CFAP300: variants seen among roughly 807,000 people sequenced by gnomAD.
The protein encoded by CFAP300 is cilia- and flagella-associated protein 300.
In CFAP300, 32 loss-of-function variants were observed where a neutral mutation model predicts 33.0. That is an observed-to-expected ratio of 0.97 (90% confidence interval 0.73 to 1.30). The LOEUF (loss-of-function observed/expected upper bound fraction) is 1.30. Among genes scored for constraint, CFAP300 ranks in the 50% most tolerant of loss-of-function variants. CFAP300 has a pLI of 0.00. For missense variants in CFAP300, 356 were observed against 318.1 expected (o/e 1.12, Z -0.90); for synonymous variants, 102 against 106.8 (o/e 0.95, Z 0.28).
intron 6 of CFAP300, 62 bp from the exon 7 acceptor site, chr11:102,083,009 T>C (rs543507473): frequency 2.2e-6 from 2 of 916,722 alleles, no homozygotes; most frequent in East Asian, 1.1e-4. Context: ...AAAATAATAA[T>C]AATAAATATA....
At chr11:102,070,690 A>G (rs1942301293) in intron 4 of CFAP300, among the ~76,000 whole-genome samples, 1 of 151,980 alleles carries the variant, frequency 6.6e-6, no homozygotes, top group Non-Finnish European at 1.5e-5. Flanking sequence ...TTTGCTGTAA[A>G]CTTCTCTTTT....
chr11:102,082,107 C>A (rs944995419), intron 6 of CFAP300, among the ~76,000 whole-genome samples: 1 of 151,922 alleles, frequency 6.6e-6, no homozygotes, highest in Non-Finnish European at 1.5e-5. Flanking sequence ...GTCCCCACCC[C>A]GTGCAGTGGC....
intron 3 of CFAP300, among the ~76,000 whole-genome samples, chr11:102,061,947 A>G (rs766887629): frequency 3.3e-5 from 5 of 152,204 alleles, no homozygotes; most frequent in Non-Finnish European, 7.3e-5. Flanking sequence ...AAAAAATAGC[A>G]TGTGTTATGG....
chr11:102,057,404 A>G (rs1238384955), intron 2 of CFAP300, among the ~76,000 whole-genome samples: 3 of 151,238 alleles, frequency 2.0e-5, no homozygotes, highest in Non-Finnish European at 4.4e-5. Context: ...TCAAGCTGAA[A>G]AGGCAGAAGA....
intron 3 of CFAP300, among the ~76,000 whole-genome samples, chr11:102,060,925 A>G (rs1278066407): frequency 3.3e-5 from 5 of 152,208 alleles, no homozygotes; most frequent in Non-Finnish European, 7.3e-5. Context: ...CTGAGAGAAT[A>G]TATTTACCCA....
intron 5 of CFAP300, among the ~76,000 whole-genome samples, chr11:102,078,026 G>C (rs1021161046): frequency 7.2e-5 from 11 of 151,942 alleles, no homozygotes; most frequent in Admixed American, 6.6e-4. Flanking sequence ...GAATAGCTGG[G>C]ATCACAAGCA....
In CFAP300 at chr11:102,047,963, T is replaced by C; in HGVS notation, c.192+67T>C. On this transcript the variant is annotated intron_variant, in intron 2 of 6. Transcript: ENST00000434758. ...TTTTAAACTTCCCCCCAAGTTGGCA[T>C]AGATTCTTGTGAACACGCTATTCCT... 2.0e-6 allele frequency: 3 copies of C among 1,485,776 alleles called. No homozygotes were observed. The South Asian group carries it at 3.6e-5, about 18-fold the overall frequency. The allele number at this position is 1,485,776 out of a possible 1,614,324, so 92.0% of individuals were successfully genotyped here.
At chr11:102,056,768 A>C (rs1353129570) in intron 2 of CFAP300, among the ~76,000 whole-genome samples, 1 of 151,710 alleles carries the variant, frequency 6.6e-6, no homozygotes, top group Admixed American at 6.6e-5. Context: ...GAATTACAGG[A>C]GTGTGCCACC....
intron 6 of CFAP300, among the ~76,000 whole-genome samples, chr11:102,082,394 A>G (rs1228890034): frequency 6.6e-6 from 1 of 151,984 alleles, no homozygotes; most frequent in African/African-American, 2.4e-5. Flanking sequence ...AAAATTTAAA[A>G]AAAAAAAGAG....
chr11:102,073,136 G>C (rs186930953), intron 4 of CFAP300, among the ~76,000 whole-genome samples: 17 of 152,324 alleles, frequency 1.1e-4, no homozygotes, highest in African/African-American at 4.1e-4. Context: ...TGCCAGCAGT[G>C]TTAGTGGTGG....
intron 4 of CFAP300, among the ~76,000 whole-genome samples, chr11:102,075,366 C>T (rs551272030): frequency 2.6e-5 from 4 of 152,080 alleles, no homozygotes; most frequent in East Asian, 1.9e-4. Context: ...AGCAGGAAAG[C>T]GAGAGCTGGA....
At chr11:102,051,631 A>G (rs1396041226) in intron 2 of CFAP300, among the ~76,000 whole-genome samples, 1 of 152,226 alleles carries the variant, frequency 6.6e-6, no homozygotes, top group Non-Finnish European at 1.5e-5. Context: ...TCCAGTATGC[A>G]TGCTGGATGT....
At chr11:102,055,268 C>T (rs577047034) in intron 2 of CFAP300, among the ~76,000 whole-genome samples, 30 of 151,982 alleles carry the variant, frequency 2.0e-4, no homozygotes, top group Admixed American at 6.6e-4. Context: ...TGTGAGTCAC[C>T]GCACCCGGCC....
chr11:102,051,358 G>A (rs552083339), intron 2 of CFAP300, among the ~76,000 whole-genome samples: 16 of 152,246 alleles, frequency 1.1e-4, no homozygotes, highest in African/African-American at 2.6e-4. Flanking sequence ...TCAAGGAAGC[G>A]CCTTAATTTA....
At chr11:102,067,916 GA>G (rs913566656) in intron 4 of CFAP300, among the ~76,000 whole-genome samples, 1 of 151,960 alleles carries the variant, frequency 6.6e-6, no homozygotes, top group Non-Finnish European at 1.5e-5. Context: ...CTAAAAAACA[GA>G]AAAAAGAAAT....
intron 2 of CFAP300, among the ~76,000 whole-genome samples, chr11:102,054,283 T>C (rs998744639): frequency 6.6e-5 from 10 of 152,268 alleles, no homozygotes; most frequent in Non-Finnish European, 1.3e-4. Flanking sequence ...ACCTGCGCTT[T>C]TTTGTAGTAT....
intron 2 of CFAP300, among the ~76,000 whole-genome samples, chr11:102,051,339 T>A (rs566427753): frequency 1.7e-4 from 26 of 152,270 alleles, no homozygotes; most frequent in African/African-American, 6.3e-4. Flanking sequence ...ATTTTCCACA[T>A]AAACAACTTC....
chr11:102,067,767 T>C (rs1942250518), intron 4 of CFAP300, among the ~76,000 whole-genome samples: 1 of 152,062 alleles, frequency 6.6e-6, no homozygotes, highest in African/African-American at 2.4e-5. Context: ...ATAGGCCAGG[T>C]GCAGTGGAGC....
chr11:102,055,420 G>A (rs1362453008), intron 2 of CFAP300, among the ~76,000 whole-genome samples: 5 of 135,726 alleles, frequency 3.7e-5, no homozygotes, highest in Admixed American at 8.2e-5. Flanking sequence ...GCAATGGTGC[G>A]ATCTCAGCTC....
Sources: allele counts gnomAD v4.1 joint callset (sites outside exome capture counted in the v4.1 genomes callset), GRCh38; gene constraint gnomAD v4.1.1; transcripts MANE v1.5; gene names NCBI Gene and HGNC (gene_info 2026-07-23, HGNC 2026-07-21).